The following MBNL2 variants were observed in gnomAD, a reference collection of about 807,000 sequenced individuals.
MBNL2 encodes the protein muscleblind-like protein 2.
MBNL2 carries 17 observed loss-of-function variants against 41.9 expected under a neutral mutation model. The observed-to-expected ratio is 0.41, with a 90% confidence interval of 0.28 to 0.61. MBNL2 has a LOEUF of 0.61. MBNL2 is among the 20% of genes least tolerant of loss of function. MBNL2 has a pLI of 0.35. For missense variants in MBNL2, 336 were observed against 505.6 expected (o/e 0.66, Z 3.22); for synonymous variants, 195 against 182.9 (o/e 1.07, Z -0.53).
chr13:97,187,598 A>AAAC, the MBNL2 span, among the ~76,000 whole-genome samples: 1 of 111,956 alleles, frequency 8.9e-6, no homozygotes, highest in South Asian at 3.4e-4. Context: ...CAGCTTAAAA[A>AAAC]AAAAAAAAAA....
chr13:97,351,027 A>C (rs2062399475), intron 5 of MBNL2, among the ~76,000 whole-genome samples: 1 of 152,222 alleles, frequency 6.6e-6, no homozygotes, highest in Admixed American at 6.5e-5. Context: ...TTTCTCGATT[A>C]ATAAGACTTG....
intron 1 of MBNL2, among the ~76,000 whole-genome samples, chr13:97,265,771 T>G (rs2152896324): frequency 6.6e-6 from 1 of 152,214 alleles, no homozygotes; most frequent in African/African-American, 2.4e-5. Flanking sequence ...TTGCAGTGCA[T>G]GTATTTATGG....
At chr13:97,193,681 T>C in the MBNL2 span, among the ~76,000 whole-genome samples, 1 of 151,794 alleles carries the variant, frequency 6.6e-6, no homozygotes, top group Admixed American at 6.6e-5. Flanking sequence ...TAGGCAAGAG[T>C]GGGAGTGGAG....
chr13:97,230,159 G>A (rs1293804631), intron 1 of MBNL2, among the ~76,000 whole-genome samples: 3 of 152,202 alleles, frequency 2.0e-5, no homozygotes, highest in Non-Finnish European at 4.4e-5. Flanking sequence ...TTAGCCGGAT[G>A]TGGTGGCACA....
At chr13:97,373,612 A>ATATATG (rs1274363408) in intron 8 of MBNL2, among the ~76,000 whole-genome samples, 1 of 150,108 alleles carries the variant, frequency 6.7e-6, no homozygotes, top group Non-Finnish European at 1.5e-5. Flanking sequence ...AAAAATATAT[A>ATATATG]TATATATATA....
At position 97,366,605 on chromosome 13, in the gene MBNL2, C is replaced by G; in HGVS notation, c.1048+1434C>G. 2 of 1,106,218 alleles carry G rather than the reference C, an allele frequency of 1.8e-6. No individual in the cohort carries two copies. The highest frequency in any genetic ancestry group is 2.7e-6 in the Non-Finnish European group (2 of 732,650). 68.5% of individuals were successfully genotyped at this position (1,106,218 alleles called of 1,614,324 possible). The stretch of plus-strand genomic sequence containing the variant: ...ACAAATCCCAAACTCTAAATGAGTG[C>G]TGATATTTAAAAAAAAAATTCTCGG... On this transcript the variant is annotated intron_variant, in intron 8 of 8. Coordinates refer to ENST00000679496, the MANE Select transcript of MBNL2 (RefSeq NM_001382683.1). This position sits in a 1 kb window ranked among gnomAD's most constrained non-coding sequence, Gnocchi z 4.7.
chr13:97,315,986 C>T (rs954105960), intron 2 of MBNL2, among the ~76,000 whole-genome samples: 2 of 152,184 alleles, frequency 1.3e-5, no homozygotes, highest in African/African-American at 2.4e-5. Flanking sequence ...CAATTTCTTT[C>T]ATACGCCAAT....
At chr13:97,279,054 A>G (rs2052795205) in intron 2 of MBNL2, among the ~76,000 whole-genome samples, 1 of 152,260 alleles carries the variant, frequency 6.6e-6, no homozygotes, top group Non-Finnish European at 1.5e-5. Flanking sequence ...TCTTGTGAGG[A>G]TTGCAAGCTG....
chr13:97,190,401 ATGTTTT>A, the MBNL2 span, among the ~76,000 whole-genome samples: 3 of 152,366 alleles, frequency 2.0e-5, no homozygotes, highest in South Asian at 6.2e-4. Context: ...GAAAGACAAA[ATGTTTT>A]TGTTTTTGTT....
intron 2 of MBNL2, among the ~76,000 whole-genome samples, chr13:97,298,670 C>A (rs2057314110): frequency 2.0e-5 from 3 of 152,146 alleles, no homozygotes; most frequent in Non-Finnish European, 2.9e-5. Flanking sequence ...TCCAGATATT[C>A]TTTTCTGTCA....
intron 2 of MBNL2, among the ~76,000 whole-genome samples, chr13:97,327,755 A>G (rs1566419244): frequency 6.6e-6 from 1 of 152,136 alleles, no homozygotes; most frequent in Non-Finnish European, 1.5e-5. Context: ...GAAGAGATAA[A>G]TGACCAAAGT....
At chr13:97,271,397 T>C (rs897594981) in intron 1 of MBNL2, among the ~76,000 whole-genome samples, 3 of 151,836 alleles carry the variant, frequency 2.0e-5, no homozygotes, top group Non-Finnish European at 4.4e-5. Context: ...CGTGAGCCAC[T>C]GCACCCAGCC....
the MBNL2 span, among the ~76,000 whole-genome samples, chr13:97,157,033 A>G: frequency 2.0e-5 from 3 of 148,764 alleles, no homozygotes; most frequent in Non-Finnish European, 3.0e-5. Flanking sequence ...TGAGCATGGA[A>G]TGTTCTTCCA....
intron 1 of MBNL2, among the ~76,000 whole-genome samples, chr13:97,235,878 G>C: frequency 7.1e-6 from 1 of 141,174 alleles, no homozygotes; most frequent in Middle Eastern, 3.6e-3. Flanking sequence ...GTTACAAACA[G>C]AAAAAAAAAA....
intron 1 of MBNL2, among the ~76,000 whole-genome samples, chr13:97,260,306 G>C (rs2048359850): frequency 6.6e-6 from 1 of 152,170 alleles, no homozygotes; most frequent in African/African-American, 2.4e-5. Flanking sequence ...GAAAGTATGG[G>C]GCCAGTCACC....
chr13:97,307,446 T>C (rs1204005497), intron 2 of MBNL2, among the ~76,000 whole-genome samples: 3 of 151,472 alleles, frequency 2.0e-5, no homozygotes, highest in Non-Finnish European at 4.4e-5. Flanking sequence ...CAAAACCAGA[T>C]AGTTTTTCCA....
chr13:97,242,004 T>C (rs1044432676), intron 1 of MBNL2, among the ~76,000 whole-genome samples: 25 of 151,922 alleles, frequency 1.6e-4, no homozygotes, highest in Admixed American at 1.6e-3. Context: ...CGAGAGGAAA[T>C]TGCCTGATTG....
At chr13:97,210,622 TCA>T in the MBNL2 span, among the ~76,000 whole-genome samples, 1 of 121,944 alleles carries the variant, frequency 8.2e-6, no homozygotes, top group African/African-American at 3.1e-5. Context: ...AGACAGAATC[TCA>T]CACTGTTGCC....
At chr13:97,249,000 C>A (rs968781839) in intron 1 of MBNL2, among the ~76,000 whole-genome samples, 2 of 152,180 alleles carry the variant, frequency 1.3e-5, no homozygotes, top group African/African-American at 4.8e-5. Flanking sequence ...CCCAACCCCA[C>A]TCATTGTGAG....
Sources: gnomAD v4.1 joint callset for allele counts (sites outside exome capture counted in the v4.1 genomes callset) on GRCh38, gnomAD v4.1.1 for gene constraint, Gnocchi (gnomAD v3.1) non-coding constraint, MANE v1.5 for transcripts, NCBI Gene and HGNC (gene_info 2026-07-23, HGNC 2026-07-21) for gene names.